The following HACD3 variants were observed in gnomAD, a reference collection of about 807,000 sequenced individuals.
HACD3 encodes the protein 3-hydroxyacyl-CoA dehydratase 3.
HACD3 carries 30 observed loss-of-function variants against 55.2 expected under a neutral mutation model. The ratio of observed to expected loss-of-function variants is 0.54; its 90% CI spans 0.41 to 0.74. HACD3 has a LOEUF of 0.74. HACD3 is among the 30% of genes least tolerant of loss of function. HACD3 has a pLI of 0.00. For synonymous variants in HACD3, 141 were observed against 151.7 expected, an observed-to-expected ratio of 0.93 and a Z score of 0.52; for missense variants, 363 against 440.1, an observed-to-expected ratio of 0.82 and a Z score of 1.57.
intron 1 of HACD3, among the ~76,000 whole-genome samples, chr15:65,538,899 C>T (rs910417341): frequency 6.6e-6 from 1 of 152,234 alleles, no homozygotes; most frequent in Admixed American, 6.5e-5. Context: ...CTCACATGAT[C>T]ATTAGCATTT....
intron 5 of HACD3, among the ~76,000 whole-genome samples, chr15:65,560,937 G>T (rs1233225535): frequency 6.6e-6 from 1 of 152,094 alleles, no homozygotes; most frequent in South Asian, 2.1e-4. Context: ...TCCCCACCTG[G>T]TATTACAGTT....
chr15:65,530,657 A>C lies in HACD3; in HGVS notation c.26A>C (p.His9Pro). The C allele has an allele frequency of 6.3e-7, 1 of 1,582,260 alleles. No homozygotes were observed. Among genetic ancestry groups the C allele is most frequent in the Non-Finnish European group, 8.6e-7 (1 of 1,165,200 alleles). Residue 9 changes from histidine to proline, a missense_variant, in exon 1 of 11, where the codon CAT becomes CCT. Coordinates refer to ENST00000261875, the MANE Select transcript of HACD3 (RefSeq NM_016395.4). ...ATGGAGAATCAGGTGTTGACGCCGC[A>C]TGTCTACTGGGCTCAGCGACACCGC... is the stretch of plus-strand genomic sequence containing the variant. MENQVLTP[H>P]VYWAQRHREL...
chr15:65,544,228 A>G (rs1162641493), intron 1 of HACD3, among the ~76,000 whole-genome samples: 2 of 152,154 alleles, frequency 1.3e-5, no homozygotes, highest in East Asian at 3.9e-4. Context: ...GTGAAAGTAA[A>G]AAAGAAATAT....
At position 65,576,661 on chromosome 15, in the gene HACD3, C is replaced by CT. The variant is rs1389762393; in HGVS notation, c.*283dup. 1.0e-5 allele frequency: 4 copies of CT among 388,688 alleles called. No homozygotes were observed. In the Admixed American group the frequency reaches 1.7e-4, roughly 17 times the overall value. The allele number at this position is 388,688 out of a possible 1,614,324, so 24.1% of individuals were successfully genotyped here. A position where few individuals can be genotyped will look rare whatever the true frequency, so the allele number is the denominator to read the frequency against. On this transcript the variant is annotated 3_prime_UTR_variant, in exon 11 of 11. Transcript: ENST00000261875. ...CAACCCTATCTCATGTTCAGTCTGT[C>CT]TAATACATGCCAGAGATTTTTTTTT...
intron 5 of HACD3, among the ~76,000 whole-genome samples, chr15:65,560,853 C>G (rs1483842884): frequency 6.7e-6 from 1 of 150,360 alleles, no homozygotes; most frequent in African/African-American, 2.4e-5. Flanking sequence ...TCCATGTAGA[C>G]TAGCTTGATG....
chr15:65,562,010 G>A (rs566689799), intron 5 of HACD3, among the ~76,000 whole-genome samples: 8 of 152,322 alleles, frequency 5.3e-5, no homozygotes, highest in South Asian at 4.2e-4. Flanking sequence ...AGGAAGTGGC[G>A]CGGAGCTTCC....
At chr15:65,575,580 G>T (rs1300732249) in intron 10 of HACD3, among the ~76,000 whole-genome samples, 2 of 152,090 alleles carry the variant, frequency 1.3e-5, no homozygotes, top group Non-Finnish European at 2.9e-5. Flanking sequence ...AAGAAAGAAA[G>T]AATATTGAAC....
rs2072422095 is a variant in HACD3 at position 65,577,730 on chromosome 15, C to T, written c.*1351C>T. The T allele has an allele frequency of 6.6e-6, 1 of 152,242 alleles. No individual in the cohort carries two copies. Among genetic ancestry groups the T allele is most frequent in the Admixed American group, 6.5e-5 (1 of 15,280 alleles). The allele number at this position is 152,242 out of a possible 1,614,324, so 9.4% of individuals were successfully genotyped here. A position where few individuals can be genotyped will look rare whatever the true frequency, so the allele number is the denominator to read the frequency against. On this transcript the variant is annotated 3_prime_UTR_variant, in exon 11 of 11. Transcript: ENST00000261875. ...TAGACCTCAAAAATACTTCATTCTG[C>T]TGCTGTTCAGTTGGCTTTTTAAACC...
At chr15:65,568,111 T>TG (rs2072310668) in intron 7 of HACD3, among the ~76,000 whole-genome samples, 3 of 151,610 alleles carry the variant, frequency 2.0e-5, no homozygotes, top group Admixed American at 6.6e-5. Context: ...TTAGTAGAGA[T>TG]GGGGTTTCCC....
At chr15:65,561,506 A>G (rs967495989) in intron 5 of HACD3, among the ~76,000 whole-genome samples, 23 of 152,064 alleles carry the variant, frequency 1.5e-4, no homozygotes, top group African/African-American at 4.6e-4. Context: ...AGCTGAGGAA[A>G]TCTTTATTTC....
At chr15:65,534,761 C>T (rs1216133730) in intron 1 of HACD3, among the ~76,000 whole-genome samples, 2 of 152,196 alleles carry the variant, frequency 1.3e-5, no homozygotes, top group African/African-American at 4.8e-5. Context: ...GAACCTGACG[C>T]TCTTCATCCA....
intron 1 of HACD3, among the ~76,000 whole-genome samples, chr15:65,547,681 C>CA (rs1231654240): frequency 6.6e-6 from 1 of 152,214 alleles, no homozygotes; most frequent in African/African-American, 2.4e-5. Context: ...CTTCTGCACA[C>CA]ATACTAATCA....
At position 65,558,743 on chromosome 15, in the gene HACD3, T is replaced by C. The variant is rs2141217918; in HGVS notation, c.421+12T>C. ...AGGCTCTCCTGAAAGTAAGTTGTGCTGCTGCCATGGTAGTTACCAGTTAAC... is the reference window on the plus strand; with the variant it reads ...AGGCTCTCCTGAAAGTAAGTTGTGCCGCTGCCATGGTAGTTACCAGTTAAC... On this transcript the variant is annotated intron_variant, in intron 5 of 10. Transcript: ENST00000261875. 3.1e-6 allele frequency: 5 copies of C among 1,597,340 alleles called. No individual in the cohort carries two copies. In the South Asian group the frequency reaches 5.7e-5, roughly 18 times the overall value.
chr15:65,545,049 A>G (rs1472584611), intron 1 of HACD3, among the ~76,000 whole-genome samples: 1 of 151,980 alleles, frequency 6.6e-6, no homozygotes, highest in East Asian at 1.9e-4. Flanking sequence ...AAAGAAAATT[A>G]TAATTTTGTG....
intron 1 of HACD3, among the ~76,000 whole-genome samples, chr15:65,535,165 A>G (rs1047224329): frequency 2.0e-5 from 3 of 152,232 alleles, no homozygotes; most frequent in Admixed American, 6.5e-5. Flanking sequence ...AAAAAGAAAT[A>G]TAGGAGACTA....
Position 65,564,180 on chromosome 15 carries a change from A to G in HACD3, c.533-35A>G, listed in dbSNP as rs371159302. ...GAAATAGTTCTGTTGGAATTTACCA[A>G]CTGATTCACCCTTAATGTATATTTT... is the stretch of plus-strand genomic sequence containing the variant. On this transcript the variant is annotated intron_variant, in intron 6 of 10. Coordinates refer to ENST00000261875, the MANE Select transcript of HACD3 (RefSeq NM_016395.4). 954 of 1,601,142 alleles carry G rather than the reference A, an allele frequency of 6.0e-4. 1 individual carries two copies. Among genetic ancestry groups the G allele is most frequent in the Non-Finnish European group, 7.4e-4 (867 of 1,171,312 alleles).
At chr15:65,541,029 A>G (rs1274127917) in intron 1 of HACD3, among the ~76,000 whole-genome samples, 8 of 152,226 alleles carry the variant, frequency 5.3e-5, no homozygotes, top group Non-Finnish European at 1.0e-4. Context: ...ACTTAAGCAC[A>G]GAGTAGATGA....
chr15:65,562,497 A>G (rs2072253330), intron 5 of HACD3, among the ~76,000 whole-genome samples: 1 of 152,200 alleles, frequency 6.6e-6, no homozygotes, highest in Non-Finnish European at 1.5e-5. Context: ...ACCAGGGGTA[A>G]TATTTTTTTC....
At chr15:65,550,571 G>A (rs893211138) in intron 1 of HACD3, among the ~76,000 whole-genome samples, 1 of 152,178 alleles carries the variant, frequency 6.6e-6, no homozygotes, top group South Asian at 2.1e-4. Context: ...GTTCTACCAA[G>A]CATTTAAATA....
Sources: gnomAD v4.1 joint callset for allele counts (sites outside exome capture counted in the v4.1 genomes callset) on GRCh38, gnomAD v4.1.1 for gene constraint, MANE v1.5 for transcripts, NCBI Gene and HGNC (gene_info 2026-07-23, HGNC 2026-07-21) for gene names.